ATXN1: variants seen among roughly 807,000 people sequenced by gnomAD.
ATXN1 encodes the protein ataxin-1.
Under a neutral mutation model 56.4 loss-of-function variants are expected in ATXN1, and 8 were observed. The ratio of observed to expected loss-of-function variants is 0.14; its 90% CI spans 0.08 to 0.26. The LOEUF is 0.26. ATXN1 is among the 10% of genes least tolerant of loss of function. The pLI, the probability that ATXN1 is intolerant of heterozygous loss-of-function variation, is 1.00. For synonymous variants in ATXN1, 514 were observed against 494.6 expected (o/e 1.04, Z -0.52); for missense variants, 987 against 1,106.5 (o/e 0.89, Z 1.53).
intron 4 of ATXN1, among the ~76,000 whole-genome samples, chr6:16,549,968 A>ACATG (rs1274462428): frequency 4.9e-4 from 73 of 148,532 alleles, no homozygotes; most frequent in African/African-American, 1.7e-3. Flanking sequence ...AAATGAGAAC[A>ACATG]CATGGACACA....
chr6:16,670,466 C>T (rs962367315), intron 2 of ATXN1, among the ~76,000 whole-genome samples: 3 of 152,210 alleles, frequency 2.0e-5, no homozygotes, highest in Non-Finnish European at 4.4e-5. Flanking sequence ...TCTCTGCGAT[C>T]TTCCTCTGTG....
At chr6:16,613,302 T>C (rs1001868571) in intron 3 of ATXN1, among the ~76,000 whole-genome samples, 3 of 150,474 alleles carry the variant, frequency 2.0e-5, no homozygotes, top group South Asian at 2.1e-4. Flanking sequence ...AAAATTATTT[T>C]AAAAGGCTAT....
At chr6:16,502,962 T>C (rs1245816191) in intron 5 of ATXN1, among the ~76,000 whole-genome samples, 1 of 152,214 alleles carries the variant, frequency 6.6e-6, no homozygotes, top group East Asian at 1.9e-4. Flanking sequence ...AGAAAGAAGG[T>C]TTATTGCTTT....
chr6:16,488,543 T>A (rs2113659112), intron 5 of ATXN1, among the ~76,000 whole-genome samples: 1 of 152,346 alleles, frequency 6.6e-6, no homozygotes, highest in East Asian at 1.9e-4. Flanking sequence ...GGAAATGTCA[T>A]GTTCATCTGA....
At chr6:16,719,649 T>A (rs1759707946) in intron 2 of ATXN1, among the ~76,000 whole-genome samples, 1 of 152,132 alleles carries the variant, frequency 6.6e-6, no homozygotes, top group African/African-American at 2.4e-5. Flanking sequence ...GATGGTCACA[T>A]CCCACCTGTC....
At chr6:16,537,665 C>T (rs1394037734) in intron 4 of ATXN1, among the ~76,000 whole-genome samples, 1 of 150,342 alleles carries the variant, frequency 6.7e-6, no homozygotes, top group African/African-American at 2.5e-5. Context: ...GAGACTGCAC[C>T]ACTGCACTCC....
At chr6:16,725,300 G>C (rs988323613) in intron 2 of ATXN1, among the ~76,000 whole-genome samples, 1 of 152,164 alleles carries the variant, frequency 6.6e-6, no homozygotes, top group Admixed American at 6.5e-5. Flanking sequence ...CCGATACTGC[G>C]TGTTTTCATT....
intron 3 of ATXN1, among the ~76,000 whole-genome samples, chr6:16,598,438 C>T (rs944626757): frequency 6.6e-6 from 1 of 152,176 alleles, no homozygotes. Flanking sequence ...AAATCAAAGC[C>T]GAGTATTGAT....
intron 2 of ATXN1, among the ~76,000 whole-genome samples, chr6:16,681,452 G>A (rs1396115171): frequency 6.6e-6 from 1 of 152,190 alleles, no homozygotes; most frequent in African/African-American, 2.4e-5. Flanking sequence ...AGTGTAACAC[G>A]AACATTAAGG....
chr6:16,438,286 T>C (rs1581761937), intron 6 of ATXN1, among the ~76,000 whole-genome samples: 1 of 152,306 alleles, frequency 6.6e-6, no homozygotes, highest in South Asian at 2.1e-4. Flanking sequence ...CCCTGTGTTA[T>C]AGGACCTGAC....
intron 6 of ATXN1, among the ~76,000 whole-genome samples, chr6:16,443,175 C>T (rs905144495): frequency 3.9e-5 from 5 of 129,672 alleles, no homozygotes; most frequent in Non-Finnish European, 7.8e-5. Context: ...AAGTGAGACC[C>T]TGTCTCTAAA....
intron 5 of ATXN1, among the ~76,000 whole-genome samples, chr6:16,518,124 A>AC (rs1761220445): frequency 6.6e-6 from 1 of 151,888 alleles, no homozygotes; most frequent in Non-Finnish European, 1.5e-5. Context: ...CCACGAAGAA[A>AC]ACAACAGGTA....
At position 16,375,170 on chromosome 6, in the gene ATXN1, AAAG is replaced by A. The variant is rs140720384; in HGVS notation, c.-160-46703_-160-46701del. Among the ~76,000 whole-genome samples, 1,063 of 152,368 alleles carry A rather than the reference AAAG, an allele frequency of 7.0e-3. 17 individuals are homozygous for A. The highest frequency in any genetic ancestry group is 0.025 in the African/African-American group (1,031 of 41,592). On this transcript the variant is annotated intron_variant, in intron 6 of 7. Transcript: ENST00000436367. Reference sequence around the variant, plus strand: ...GTGTTCAGACCCTATCGCCGCATCAAAAGAAGAACACCAAGGAGAAAGGAGTCA... The same window carrying A: ...GTGTTCAGACCCTATCGCCGCATCAAAAGAACACCAAGGAGAAAGGAGTCA...
At chr6:16,583,749 T>C (rs1024014661) in intron 4 of ATXN1, among the ~76,000 whole-genome samples, 1 of 152,198 alleles carries the variant, frequency 6.6e-6, no homozygotes, top group Non-Finnish European at 1.5e-5. Context: ...GGTCTCTGAC[T>C]TGAAAACTTG....
intron 6 of ATXN1, among the ~76,000 whole-genome samples, chr6:16,471,546 C>T (rs1760217008): frequency 1.3e-5 from 2 of 152,100 alleles, no homozygotes; most frequent in African/African-American, 4.8e-5. Flanking sequence ...ACAGTCATGA[C>T]CTTATGCCTA....
intron 6 of ATXN1, among the ~76,000 whole-genome samples, chr6:16,412,618 C>T (rs970170827): frequency 1.6e-4 from 24 of 152,182 alleles, no homozygotes; most frequent in African/African-American, 5.8e-4. Context: ...GCCTCAATGT[C>T]GCAAACTTCA....
intron 2 of ATXN1, among the ~76,000 whole-genome samples, chr6:16,716,661 G>A (rs1759648122): frequency 6.6e-6 from 1 of 152,240 alleles, no homozygotes; most frequent in South Asian, 2.1e-4. Flanking sequence ...TCAGATAGTA[G>A]ATATTTCAGG....
intron 3 of ATXN1, among the ~76,000 whole-genome samples, chr6:16,625,913 C>T (rs78487690): frequency 1.2e-3 from 190 of 152,190 alleles, no homozygotes; most frequent in African/African-American, 4.4e-3. Flanking sequence ...GGCAATTGAC[C>T]GGCTGACACT....
rs1414552597 is a variant in ATXN1, at chr6:16,299,207, T to A, written c.*7122A>T. The A allele has an allele frequency of 6.6e-6, 1 of 152,640 alleles. No homozygotes were observed. Among genetic ancestry groups the A allele is most frequent in the Non-Finnish European group, 1.5e-5 (1 of 68,038 alleles). 9.5% of individuals were successfully genotyped at this position (152,640 alleles called of 1,614,324 possible). Reference sequence around the variant, plus strand: ...TTTATTTAAAACAATTTTGTTCAAATTTTGAATCAAACATTGTTTTATTAT... The same window carrying A: ...TTTATTTAAAACAATTTTGTTCAAAATTTGAATCAAACATTGTTTTATTAT... On this transcript the variant is annotated 3_prime_UTR_variant, in exon 8 of 8. Coordinates refer to ENST00000436367, the MANE Select transcript of ATXN1 (RefSeq NM_001128164.2).
Sources: gnomAD v4.1 joint callset for allele counts (sites outside exome capture counted in the v4.1 genomes callset) on GRCh38, gnomAD v4.1.1 for gene constraint, MANE v1.5 for transcripts, NCBI Gene and HGNC (gene_info 2026-07-23, HGNC 2026-07-21) for gene names.